Variants in SPMIP7 observed in about 807,000 individuals in gnomAD.
SPMIP7 encodes sperm microtubule inner protein 7.
chr7:50,146,528 T>C, the SPMIP7 span, among the ~76,000 whole-genome samples: 1 of 152,184 alleles, frequency 6.6e-6, no homozygotes, highest in Non-Finnish European at 1.5e-5. Flanking sequence ...TCCTAAAAAA[T>C]ATCTTGTGGC....
the SPMIP7 span, chr7:50,120,327 A>T: frequency 6.6e-6 from 1 of 152,124 alleles, no homozygotes; most frequent in South Asian, 2.1e-4. Flanking sequence ...TAATCCATAA[A>T]TTGGGAAAAA....
At chr7:50,148,744 C>T in the SPMIP7 span, among the ~76,000 whole-genome samples, 7 of 152,334 alleles carry the variant, frequency 4.6e-5, no homozygotes, top group African/African-American at 1.7e-4. Flanking sequence ...GCAAGCTTGA[C>T]AATGTGGCTG....
chr7:50,105,342 C>A, the SPMIP7 span, among the ~76,000 whole-genome samples: 1 of 152,130 alleles, frequency 6.6e-6, no homozygotes, highest in African/African-American at 2.4e-5. Context: ...CAAGAAAACC[C>A]ATATTCATTA....
chr7:50,158,821 CT>C, the SPMIP7 span, among the ~76,000 whole-genome samples: 3 of 152,108 alleles, frequency 2.0e-5, no homozygotes, highest in South Asian at 6.2e-4. Flanking sequence ...GGGCGGCTTT[CT>C]GCAGATCACC....
chr7:50,150,318 G>A, the SPMIP7 span, among the ~76,000 whole-genome samples: 1 of 152,154 alleles, frequency 6.6e-6, no homozygotes, highest in Non-Finnish European at 1.5e-5. Context: ...TGCTCTCAGA[G>A]AAAGGTCCAA....
At chr7:50,125,597 TG>T in the SPMIP7 span, among the ~76,000 whole-genome samples, 16 of 150,422 alleles carry the variant, frequency 1.1e-4, no homozygotes, top group South Asian at 2.8e-3. Flanking sequence ...TGTGTGTGTG[TG>T]TGTGTGTGTG....
the SPMIP7 span, among the ~76,000 whole-genome samples, chr7:50,140,881 C>T: frequency 6.6e-6 from 1 of 152,210 alleles, no homozygotes; most frequent in African/African-American, 2.4e-5. Flanking sequence ...GTTGCCCAAG[C>T]TCCTCTGCAC....
the SPMIP7 span, among the ~76,000 whole-genome samples, chr7:50,113,199 C>T: frequency 6.6e-6 from 1 of 152,020 alleles, no homozygotes; most frequent in Non-Finnish European, 1.5e-5. Flanking sequence ...CGACTGATTC[C>T]AATTACTTTA....
the SPMIP7 span, among the ~76,000 whole-genome samples, chr7:50,143,312 A>T: frequency 4.6e-5 from 7 of 151,946 alleles, no homozygotes; most frequent in East Asian, 1.4e-3. Context: ...TTACAGGTGC[A>T]CACCACCATG....
the SPMIP7 span, chr7:50,121,383 A>C: frequency 3.0e-4 from 45 of 152,374 alleles, no homozygotes; most frequent in African/African-American, 9.4e-4. Context: ...TTCTTAGAAC[A>C]TGCAGCTGTG....
the SPMIP7 span, among the ~76,000 whole-genome samples, chr7:50,101,936 G>T: frequency 6.6e-6 from 1 of 152,168 alleles, no homozygotes; most frequent in Non-Finnish European, 1.5e-5. Flanking sequence ...AAACTTTCCA[G>T]CTTAAAGTGA....
chr7:50,152,985 C>T, the SPMIP7 span, among the ~76,000 whole-genome samples: 2 of 152,106 alleles, frequency 1.3e-5, no homozygotes, highest in Non-Finnish European at 1.5e-5. Flanking sequence ...CCGTGCCTGG[C>T]CTTATCAAAC....
the SPMIP7 span, among the ~76,000 whole-genome samples, chr7:50,113,518 T>C: frequency 6.6e-6 from 1 of 152,146 alleles, no homozygotes; most frequent in African/African-American, 2.4e-5. Context: ...AACGGACTTC[T>C]AGACATGAAA....
chr7:50,149,436 G>T, the SPMIP7 span, among the ~76,000 whole-genome samples: 1 of 152,172 alleles, frequency 6.6e-6, no homozygotes, highest in Non-Finnish European at 1.5e-5. Context: ...CCCCTAAGAG[G>T]TTAGTGTTGT....
the SPMIP7 span, chr7:50,129,660 C>A: frequency 8.5e-7 from 1 of 1,177,400 alleles, no homozygotes; most frequent in Non-Finnish European, 1.2e-6. Context: ...GACTAGAAAA[C>A]AATAACAATT....
the SPMIP7 span, among the ~76,000 whole-genome samples, chr7:50,138,760 T>C: frequency 8.0e-6 from 1 of 125,008 alleles, no homozygotes; most frequent in Non-Finnish European, 1.8e-5. Context: ...GACCTTTAAA[T>C]GGGATTTTTT....
chr7:50,148,881 T>C, the SPMIP7 span, among the ~76,000 whole-genome samples: 27 of 152,146 alleles, frequency 1.8e-4, no homozygotes, highest in Admixed American at 1.8e-3. Flanking sequence ...GCACGGTGGC[T>C]CACGTCTGTA....
the SPMIP7 span, among the ~76,000 whole-genome samples, chr7:50,103,826 A>G: frequency 6.6e-6 from 1 of 152,134 alleles, no homozygotes; most frequent in Non-Finnish European, 1.5e-5. Context: ...ATCTACTTAT[A>G]TGTTTGTACT....
the SPMIP7 span, chr7:50,140,269 T>G: frequency 2.2e-3 from 1,552 of 706,268 alleles, 27 homozygotes; most frequent in African/African-American, 0.027. Context: ...TGTATTCACT[T>G]TTTAAGACAA....
Sources: allele counts gnomAD v4.1 joint callset (sites outside exome capture counted in the v4.1 genomes callset), GRCh38; gene constraint gnomAD v4.1.1; transcripts MANE v1.5; gene names NCBI Gene and HGNC (gene_info 2026-07-23, HGNC 2026-07-21).